Variants in PPP1CB observed in about 807,000 individuals in gnomAD.
The protein encoded by PPP1CB is serine/threonine-protein phosphatase PP1-beta catalytic subunit.
PPP1CB carries 2 observed loss-of-function variants against 43.7 expected under a neutral mutation model. The observed-to-expected ratio is 0.05, with a 90% CI of 0.02 to 0.14. The LOEUF is 0.14. Among genes scored for constraint, PPP1CB ranks in the 10% least tolerant of loss-of-function variants. The pLI, the probability that PPP1CB is intolerant of heterozygous loss-of-function variation, is 1.00. For missense variants in PPP1CB, 84 were observed against 398.0 expected, an observed-to-expected ratio of 0.21 and a Z score of 6.71; for synonymous variants, 136 against 135.6, an observed-to-expected ratio of 1.00 and a Z score of -0.02.
intron 5 of PPP1CB, among the ~76,000 whole-genome samples, chr2:28,786,471 A>C (rs960919742): frequency 3.9e-5 from 6 of 152,140 alleles, no homozygotes; most frequent in Non-Finnish European, 8.8e-5. Context: ...TGTTGCTACC[A>C]TTATTTGATT....
chr2:28,791,423 C>T (rs1266598056), intron 6 of PPP1CB, among the ~76,000 whole-genome samples: 1 of 151,928 alleles, frequency 6.6e-6, no homozygotes, highest in Non-Finnish European at 1.5e-5. Flanking sequence ...CTCCACCTCC[C>T]GGGTTCAAGT....
intron 6 of PPP1CB, among the ~76,000 whole-genome samples, chr2:28,793,461 A>G (rs1667429083): frequency 6.6e-6 from 1 of 152,216 alleles, no homozygotes; most frequent in African/African-American, 2.4e-5. Context: ...CATCAAAGTA[A>G]TAATTGATGT....
At chr2:28,754,513 G>A (rs2148452762) in intron 1 of PPP1CB, among the ~76,000 whole-genome samples, 2 of 152,186 alleles carry the variant, frequency 1.3e-5, no homozygotes, top group East Asian at 3.9e-4. Flanking sequence ...GGCTTTTTCA[G>A]CCTCCTCTCT....
At chr2:28,790,837 G>C (rs989634259) in intron 6 of PPP1CB, among the ~76,000 whole-genome samples, 16 of 152,238 alleles carry the variant, frequency 1.1e-4, no homozygotes, top group Admixed American at 7.2e-4. Flanking sequence ...TATTGAATTA[G>C]GCTGATGAGT....
At chr2:28,778,159 A>G (rs776260884) in intron 2 of PPP1CB, among the ~76,000 whole-genome samples, 1 of 152,230 alleles carries the variant, frequency 6.6e-6, no homozygotes, top group Non-Finnish European at 1.5e-5. Flanking sequence ...CTTGAAGGTA[A>G]TGGAAGTTAT....
At chr2:28,777,147 C>T (rs1285252270) in intron 2 of PPP1CB, 165 bp downstream of exon 2, 5 of 620,358 alleles carry the variant, frequency 8.1e-6, no homozygotes, top group African/African-American at 3.7e-5. Context: ...TGACAAGTTA[C>T]AGACAAGATG....
intron 5 of PPP1CB, among the ~76,000 whole-genome samples, chr2:28,784,255 TC>T (rs1441577909): frequency 6.6e-6 from 1 of 152,220 alleles, no homozygotes; most frequent in African/African-American, 2.4e-5. Flanking sequence ...TTTTCTAAAT[TC>T]CCTCATTCAT....
At chr2:28,763,437 A>G (rs1256483950) in intron 1 of PPP1CB, among the ~76,000 whole-genome samples, 1 of 144,188 alleles carries the variant, frequency 6.9e-6, no homozygotes, top group Non-Finnish European at 1.5e-5. Flanking sequence ...ATCAAAGCAG[A>G]TGTCAGTGCA....
chr2:28,787,352 G>T (rs992733709), intron 5 of PPP1CB, among the ~76,000 whole-genome samples: 9 of 152,098 alleles, frequency 5.9e-5, no homozygotes, highest in African/African-American at 9.7e-5. Context: ...CCAGCTACTC[G>T]GGAGGCTGAG....
At chr2:28,781,479 A>G (rs1667157624) in intron 3 of PPP1CB, among the ~76,000 whole-genome samples, 1 of 152,106 alleles carries the variant, frequency 6.6e-6, no homozygotes, top group Non-Finnish European at 1.5e-5. Flanking sequence ...TCTTTGACCA[A>G]CATCTTCCCA....
intron 3 of PPP1CB, 31 bp from the exon 4 acceptor site, chr2:28,781,707 T>G: frequency 6.8e-7 from 1 of 1,472,866 alleles, no homozygotes; most frequent in Non-Finnish European, 9.4e-7. Context: ...GTTTTAGATT[T>G]TTTAATTTAT....
At chr2:28,784,917 C>CAAAAAAAA (rs869155670) in intron 5 of PPP1CB, among the ~76,000 whole-genome samples, 1 of 79,104 alleles carries the variant, frequency 1.3e-5, no homozygotes, top group East Asian at 4.7e-4. Context: ...GAAACTGTCT[C>CAAAAAAAA]AAAAAAAAAA....
intron 1 of PPP1CB, among the ~76,000 whole-genome samples, chr2:28,754,125 C>T (rs1666421244): frequency 1.3e-5 from 2 of 151,726 alleles, no homozygotes; most frequent in African/African-American, 2.4e-5. Context: ...ATTTCATTTT[C>T]CATATATTTT....
At chr2:28,757,238 T>C (rs541070752) in intron 1 of PPP1CB, among the ~76,000 whole-genome samples, 14 of 152,366 alleles carry the variant, frequency 9.2e-5, no homozygotes, top group Non-Finnish European at 1.6e-4. Flanking sequence ...TGAATAATAT[T>C]CCATTGTATG....
chr2:28,793,811 T>A, intron 6 of PPP1CB, 52 bp from the exon 7 acceptor site: 2 of 1,603,872 alleles, frequency 1.2e-6, no homozygotes, highest in Non-Finnish European at 1.7e-6. Flanking sequence ...GTATAGATGG[T>A]TCAGAATTAC....
intron 7 of PPP1CB, among the ~76,000 whole-genome samples, chr2:28,797,949 C>T (rs1201969565): frequency 6.6e-6 from 1 of 152,098 alleles, no homozygotes; most frequent in Non-Finnish European, 1.5e-5. Context: ...CTTTCCCATT[C>T]CTCTTTCTCT....
intron 5 of PPP1CB, among the ~76,000 whole-genome samples, chr2:28,787,469 A>G (rs1043150043): frequency 1.9e-4 from 29 of 152,056 alleles, no homozygotes; most frequent in Non-Finnish European, 3.2e-4. Flanking sequence ...AAAAAAATAT[A>G]TATGTATCTT....
rs1413361805 is a variant in PPP1CB, at chr2:28,763,140, T to A, written c.52+10964T>A. Among the ~76,000 whole-genome samples the A allele has an allele frequency of 3.3e-5, 5 of 152,240 alleles. No homozygotes were observed. In the East Asian group the frequency reaches 7.7e-4, roughly 23 times the overall value. On this transcript the variant is annotated intron_variant, in intron 1 of 7. Coordinates refer to ENST00000395366, the MANE Select transcript of PPP1CB (RefSeq NM_002709.3). ...GAACTAAAACAGTCACAGGAGTGCT[T>A]TCCTTTGCGACAACCATTGTACTTT...
intron 5 of PPP1CB, among the ~76,000 whole-genome samples, chr2:28,784,689 G>A (rs1667222590): frequency 6.6e-6 from 1 of 151,976 alleles, no homozygotes; most frequent in Non-Finnish European, 1.5e-5. Context: ...AGGCTGAGGT[G>A]GGCAGGATCA....
Sources: allele counts gnomAD v4.1 joint callset (sites outside exome capture counted in the v4.1 genomes callset), GRCh38; gene constraint gnomAD v4.1.1; transcripts MANE v1.5; gene names NCBI Gene and HGNC (gene_info 2026-07-23, HGNC 2026-07-21).